The following ZMYM4 variants were observed in gnomAD, a reference collection of about 807,000 sequenced individuals.
ZMYM4 encodes the protein zinc finger MYM-type protein 4.
A neutral mutation model predicts 183.2 loss-of-function variants in ZMYM4; 31 were observed. The ratio of observed to expected loss-of-function variants is 0.17; its 90% CI spans 0.13 to 0.23. The LOEUF is 0.23. Ranked by LOEUF, ZMYM4 falls within the 10% of genes least tolerant of loss-of-function variation. ZMYM4 has a pLI of 1.00. For synonymous variants in ZMYM4, 592 were observed against 631.2 expected, an observed-to-expected ratio of 0.94 and a Z score of 0.93; for missense variants, 1,273 against 1,840.3, an observed-to-expected ratio of 0.69 and a Z score of 5.64.
At chr1:35,324,287 T>G (rs1319977538) in intron 1 of ZMYM4, among the ~76,000 whole-genome samples, 1 of 151,974 alleles carries the variant, frequency 6.6e-6, no homozygotes, top group Non-Finnish European at 1.5e-5. Flanking sequence ...TGTCTAGAGA[T>G]GAGGTTTCAC....
At chr1:35,338,156 C>T (rs1159281175) in intron 2 of ZMYM4, among the ~76,000 whole-genome samples, 1 of 152,082 alleles carries the variant, frequency 6.6e-6, no homozygotes, top group Non-Finnish European at 1.5e-5. Flanking sequence ...ATTTGACATG[C>T]AGGCATAGTT....
rs138536453 is a variant in ZMYM4 at position 35,361,706 on chromosome 1, C to G, written c.757C>G (p.Pro253Ala). 6.2e-7 allele frequency: 1 copy of G among 1,613,778 alleles called. No individual in the cohort carries two copies. Among genetic ancestry groups the G allele is most frequent in the Non-Finnish European group, 8.5e-7 (1 of 1,179,816 alleles). Reference sequence around the variant, plus strand: ...ATCAAATATTAGAATTAAAGAAGAACCTTTGGATGATGAGTATGACAAAGC... The same window carrying G: ...ATCAAATATTAGAATTAAAGAAGAAGCTTTGGATGATGAGTATGACAAAGC... ...FASNIRIKEEPLDDEYDKAMA... is the reference protein window; with the variant it reads ...FASNIRIKEEALDDEYDKAMA... The change falls in exon 5 of 30, where the codon CCT becomes GCT. Residue 253 changes from proline to alanine, a missense_variant. By Grantham distance (27) the Pro-to-Ala change is conservative. Coordinates refer to ENST00000314607, the MANE Select transcript of ZMYM4 (RefSeq NM_005095.3).
At position 35,268,864 on chromosome 1, in the gene ZMYM4, A is replaced by C. The variant is rs1345526826; in HGVS notation, c.-183A>C. ...TCCCGCCCACGCGCGGACCCGTGGG[A>C]TCTCAGAAGCTGCGGCCCGGCGCGC... On this transcript the variant is annotated 5_prime_UTR_variant, in exon 1 of 30. Transcript: ENST00000314607. 1.1e-5 allele frequency: 6 copies of C among 540,550 alleles called. No homozygotes were observed. Among genetic ancestry groups the C allele is most frequent in the Non-Finnish European group, 1.7e-5 (6 of 358,816 alleles). The allele number at this position is 540,550 out of a possible 1,614,324, so 33.5% of individuals were successfully genotyped here.
chr1:35,272,328 G>A (rs1372022736), intron 1 of ZMYM4, among the ~76,000 whole-genome samples: 1 of 152,226 alleles, frequency 6.6e-6, no homozygotes, highest in Non-Finnish European at 1.5e-5. Context: ...AAGTTGCTAA[G>A]CACCTGTGCT....
chr1:35,351,181 C>T (rs758305175), intron 2 of ZMYM4: 50 of 1,301,462 alleles, frequency 3.8e-5, no homozygotes, highest in Non-Finnish European at 5.4e-5. Context: ...AGAACTACCA[C>T]TGGCAATAAA....
chr1:35,345,924 C>G (rs575011585), intron 2 of ZMYM4, among the ~76,000 whole-genome samples: 97 of 152,278 alleles, frequency 6.4e-4, no homozygotes, highest in African/African-American at 2.2e-3. Context: ...AAACTGTACA[C>G]CCAATTTCCC....
intron 29 of ZMYM4, 122 bp downstream of exon 29, chr1:35,418,694 T>G: frequency 1.6e-6 from 2 of 1,261,184 alleles, no homozygotes; most frequent in Non-Finnish European, 2.2e-6. Flanking sequence ...TTACCATGAA[T>G]TTTTTCCCCA....
At chr1:35,414,132 G>T in intron 27 of ZMYM4, 49 bp downstream of exon 27, 11 of 1,150,680 alleles carry the variant, frequency 9.6e-6, no homozygotes, top group South Asian at 4.2e-5. Context: ...TTCTTAAATT[G>T]CTTAACTTTT....
intron 27 of ZMYM4, 58 bp from the exon 28 acceptor site, chr1:35,415,408 A>G (rs1640075975): frequency 1.9e-6 from 3 of 1,597,134 alleles, no homozygotes; most frequent in Non-Finnish European, 2.6e-6. Context: ...TTGAGAGATT[A>G]CTTAGTCTAC....
intron 18 of ZMYM4, 85 bp downstream of exon 18, chr1:35,393,824 C>A: frequency 7.1e-7 from 1 of 1,412,406 alleles, no homozygotes; most frequent in East Asian, 2.5e-5. Context: ...CTGCTATTTC[C>A]TAGGTGATGT....
intron 26 of ZMYM4, 124 bp downstream of exon 26, chr1:35,408,283 T>G: frequency 8.1e-7 from 1 of 1,230,330 alleles, no homozygotes; most frequent in Non-Finnish European, 1.1e-6. Flanking sequence ...GGAACATTGT[T>G]TTTAACAACA....
chr1:35,371,061 C>CG (rs1644198097), intron 7 of ZMYM4, among the ~76,000 whole-genome samples: 1 of 121,266 alleles, frequency 8.2e-6, no homozygotes, highest in Non-Finnish European at 1.7e-5. Context: ...AAATGGCTTC[C>CG]AGTGTGTGTG....
At chr1:35,280,005 C>T (rs146800148) in intron 1 of ZMYM4, among the ~76,000 whole-genome samples, 2 of 152,216 alleles carry the variant, frequency 1.3e-5, no homozygotes, top group East Asian at 3.8e-4. Flanking sequence ...GTCTTTAAGG[C>T]AGTCTGTACT....
At chr1:35,398,168 T>G (rs953350618) in intron 20 of ZMYM4, among the ~76,000 whole-genome samples, 3 of 152,188 alleles carry the variant, frequency 2.0e-5, no homozygotes, top group African/African-American at 7.2e-5. Flanking sequence ...GAACCAGAAC[T>G]TGAATCCAGA....
chr1:35,346,650 CAAAAAAAAAAA>C (rs746472685), intron 2 of ZMYM4, among the ~76,000 whole-genome samples: 187 of 54,166 alleles, frequency 3.5e-3, no homozygotes, highest in South Asian at 0.019. Flanking sequence ...GACTCCATCT[CAAAAAAAAAAA>C]AAAAAAAAAG....
chr1:35,390,603 T>C (rs1644683895), intron 15 of ZMYM4, among the ~76,000 whole-genome samples: 1 of 152,204 alleles, frequency 6.6e-6, no homozygotes, highest in South Asian at 2.1e-4. Flanking sequence ...ACCGGCCATC[T>C]GGATGTGTAC....
intron 1 of ZMYM4, among the ~76,000 whole-genome samples, chr1:35,316,885 G>A (rs1642067927): frequency 6.6e-6 from 1 of 152,088 alleles, no homozygotes; most frequent in South Asian, 2.1e-4. Context: ...ACTTTGGGAG[G>A]CTGAGGCGGG....
chr1:35,384,274 G>A (rs1644525517), intron 9 of ZMYM4, among the ~76,000 whole-genome samples: 1 of 152,174 alleles, frequency 6.6e-6, no homozygotes, highest in African/African-American at 2.4e-5. Flanking sequence ...TGCTTTTACA[G>A]TCCTCATTAG....
At chr1:35,402,007 A>AT (rs1644918568) in intron 23 of ZMYM4, among the ~76,000 whole-genome samples, 1 of 151,156 alleles carries the variant, frequency 6.6e-6, no homozygotes, top group South Asian at 2.1e-4. Flanking sequence ...GATTACTGTG[A>AT]TTTTACAGTG....
Sources: gnomAD v4.1 joint callset for allele counts (sites outside exome capture counted in the v4.1 genomes callset) on GRCh38, gnomAD v4.1.1 for gene constraint, MANE v1.5 for transcripts, NCBI Gene and HGNC (gene_info 2026-07-23, HGNC 2026-07-21) for gene names.